The following SPOCK3 variants were observed in gnomAD, a reference collection of about 807,000 sequenced individuals.
The protein encoded by SPOCK3 is SPARC (osteonectin), cwcv and kazal like domains proteoglycan 3.
In SPOCK3, 30 loss-of-function variants were observed where a neutral mutation model predicts 56.6. That is an observed-to-expected ratio of 0.53 (90% confidence interval 0.40 to 0.72). SPOCK3 has a LOEUF of 0.72. Among genes scored for constraint, SPOCK3 ranks in the 30% least tolerant of loss-of-function variants. The pLI is 0.00. For missense variants in SPOCK3, 527 were observed against 530.0 expected, an observed-to-expected ratio of 0.99 and a Z score of 0.06; for synonymous variants, 196 against 183.3, an observed-to-expected ratio of 1.07 and a Z score of -0.56.
At chr4:167,008,147 T>A (rs866883856) in intron 3 of SPOCK3, among the ~76,000 whole-genome samples, 8 of 152,084 alleles carry the variant, frequency 5.3e-5, no homozygotes, top group Middle Eastern at 3.2e-3. Flanking sequence ...ATTAGTATTA[T>A]AATAGCAAGT....
At chr4:167,017,135 C>T (rs144148753) in intron 3 of SPOCK3, among the ~76,000 whole-genome samples, 3 of 152,194 alleles carry the variant, frequency 2.0e-5, no homozygotes, top group African/African-American at 7.2e-5. Context: ...TCCCATTTCC[C>T]TTTCCTTGGG....
chr4:167,025,883 C>T lies in SPOCK3; in HGVS notation c.236-25420G>A, dbSNP rs143616266. ...TACACAACCTAAATGGTACAGTCTA[C>T]TACTCACCTAGGCTACATGGTGGAG... On this transcript the variant is annotated intron_variant, in intron 3 of 10. Coordinates refer to ENST00000357545, the MANE Select transcript of SPOCK3 (RefSeq NM_001040159.2). Among the ~76,000 whole-genome samples, 225 of 152,156 alleles carry T rather than the reference C, an allele frequency of 1.5e-3. 1 individual carries two copies. The highest frequency in any genetic ancestry group is 5.1e-3 in the African/African-American group (212 of 41,538).
intron 4 of SPOCK3, among the ~76,000 whole-genome samples, chr4:166,980,198 C>T (rs530232847): frequency 1.6e-4 from 25 of 152,300 alleles, no homozygotes; most frequent in African/African-American, 5.8e-4. Flanking sequence ...TAAAGAAAAA[C>T]ATATTAGACT....
intron 4 of SPOCK3, among the ~76,000 whole-genome samples, chr4:166,946,515 A>C (rs1741769981): frequency 1.3e-5 from 2 of 152,108 alleles, no homozygotes; most frequent in Admixed American, 1.3e-4. Context: ...CTTTCTGCCC[A>C]AAATACTCTT....
chr4:166,948,939 T>G (rs1477301069), intron 4 of SPOCK3, among the ~76,000 whole-genome samples: 3 of 152,180 alleles, frequency 2.0e-5, no homozygotes, highest in Non-Finnish European at 2.9e-5. Context: ...GCAGAGTGTT[T>G]TCCAACTTGG....
At chr4:166,841,676 T>C (rs531199674) in intron 6 of SPOCK3, among the ~76,000 whole-genome samples, 6 of 152,320 alleles carry the variant, frequency 3.9e-5, no homozygotes, top group East Asian at 3.9e-4. Context: ...ATACATGTTA[T>C]TGCAAAGTAA....
Position 167,226,876 on chromosome 4 carries a change from C to T in SPOCK3, c.189+7109G>A, listed in dbSNP as rs139187773. 1.3e-4 allele frequency among the ~76,000 whole-genome samples: 20 copies of T among 152,180 alleles called. No individual in the cohort carries two copies. In the East Asian group the frequency reaches 3.9e-3, roughly 30 times the overall value. On this transcript the variant is annotated intron_variant, in intron 2 of 10. Transcript: ENST00000357545. The stretch of plus-strand genomic sequence containing the variant: ...CTTGCAAAAGAGAATTCTATCGTTA[C>T]TCGGGTACTCTGATTCAGGGTCTCC...
At chr4:166,780,923 G>A (rs903447470) in intron 7 of SPOCK3, among the ~76,000 whole-genome samples, 8 of 152,088 alleles carry the variant, frequency 5.3e-5, no homozygotes, top group Non-Finnish European at 8.8e-5. Flanking sequence ...AAAAGGCTGT[G>A]GCAAGCCAGT....
chr4:167,011,424 T>C (rs987417560), intron 3 of SPOCK3: 13 of 273,872 alleles, frequency 4.7e-5, no homozygotes, highest in Non-Finnish European at 1.0e-4. Flanking sequence ...CCAGTATTCC[T>C]CAACCTCTAC....
At chr4:167,171,958 C>T (rs1018661858) in intron 2 of SPOCK3, among the ~76,000 whole-genome samples, 1 of 151,482 alleles carries the variant, frequency 6.6e-6, no homozygotes, top group Non-Finnish European at 1.5e-5. Context: ...AGTACAGGAA[C>T]AGGACTAAAG....
At chr4:166,809,751 G>A (rs1192800202) in intron 6 of SPOCK3, among the ~76,000 whole-genome samples, 1 of 152,028 alleles carries the variant, frequency 6.6e-6, no homozygotes, top group African/African-American at 2.4e-5. Flanking sequence ...AGATGATTGG[G>A]CACCAATTGT....
intron 7 of SPOCK3, among the ~76,000 whole-genome samples, chr4:166,774,052 A>T (rs1266406361): frequency 4.6e-5 from 7 of 152,240 alleles, no homozygotes; most frequent in Admixed American, 4.6e-4. Flanking sequence ...CAAATATAAG[A>T]TAATTGGCAT....
intron 6 of SPOCK3, among the ~76,000 whole-genome samples, chr4:166,867,944 T>G (rs373809324): frequency 1.3e-4 from 19 of 151,944 alleles, no homozygotes; most frequent in Non-Finnish European, 2.5e-4. Flanking sequence ...ATATAGTATA[T>G]GTATATGGTA....
At chr4:166,742,230 CT>C (rs113853916) in intron 8 of SPOCK3, among the ~76,000 whole-genome samples, 171 bp from the exon 9 acceptor site, 12,815 of 144,602 alleles carry the variant, frequency 0.089, 636 homozygotes, top group South Asian at 0.13. Context: ...ATGTGTCTAT[CT>C]ATCATCTATC....
intron 2 of SPOCK3, among the ~76,000 whole-genome samples, chr4:167,087,950 T>C (rs1758351593): frequency 6.6e-6 from 1 of 152,040 alleles, no homozygotes; most frequent in African/African-American, 2.4e-5. Context: ...CAGAAAAAGA[T>C]GGTAGTAGAT....
chr4:167,179,339 G>A (rs1179855921), intron 2 of SPOCK3, among the ~76,000 whole-genome samples: 7 of 151,994 alleles, frequency 4.6e-5, no homozygotes, highest in Admixed American at 2.6e-4. Flanking sequence ...CCTGTGTCCC[G>A]CTCAAAGTCT....
At chr4:167,108,418 C>T (rs1473692937) in intron 2 of SPOCK3, among the ~76,000 whole-genome samples, 1 of 151,822 alleles carries the variant, frequency 6.6e-6, no homozygotes, top group African/African-American at 2.4e-5. Context: ...TGTACATCAA[C>T]AGATGAATGG....
At chr4:167,226,530 C>T (rs1366554279) in intron 2 of SPOCK3, among the ~76,000 whole-genome samples, 3 of 152,098 alleles carry the variant, frequency 2.0e-5, no homozygotes, top group Non-Finnish European at 1.5e-5. Flanking sequence ...AAGAGCATAA[C>T]CAGATACCGT....
At chr4:166,807,662 A>G (rs1743321532) in intron 6 of SPOCK3, among the ~76,000 whole-genome samples, 1 of 152,148 alleles carries the variant, frequency 6.6e-6, no homozygotes, top group South Asian at 2.1e-4. Flanking sequence ...GCTTTTGCCA[A>G]TGCTGAAGTT....
Sources: gnomAD v4.1 joint callset for allele counts (sites outside exome capture counted in the v4.1 genomes callset) on GRCh38, gnomAD v4.1.1 for gene constraint, MANE v1.5 for transcripts, NCBI Gene and HGNC (gene_info 2026-07-23, HGNC 2026-07-21) for gene names.